The following CDC42BPA variants were observed in gnomAD, a reference collection of about 807,000 sequenced individuals.
CDC42BPA encodes the protein serine/threonine-protein kinase MRCK alpha.
A neutral mutation model predicts 223.5 loss-of-function variants in CDC42BPA; 80 were observed. The ratio of observed to expected loss-of-function variants is 0.36; its 90% confidence interval spans 0.30 to 0.43. The LOEUF is 0.43. Among genes scored for constraint, CDC42BPA ranks in the 20% least tolerant of loss-of-function variants. The probability of loss-of-function intolerance (pLI) is 1.00; values close to 1 mark genes in which losing one functional copy is unlikely to be tolerated. For synonymous variants in CDC42BPA, 694 were observed against 718.6 expected (o/e 0.97, Z 0.55); for missense variants, 1,743 against 2,099.9 (o/e 0.83, Z 3.32).
At chr1:227,152,837 T>A (rs1271771952) in intron 6 of CDC42BPA, among the ~76,000 whole-genome samples, 1 of 151,914 alleles carries the variant, frequency 6.6e-6, no homozygotes, top group Non-Finnish European at 1.5e-5. Context: ...ACTTAAAACA[T>A]AAGGACGCAG....
intron 1 of CDC42BPA, among the ~76,000 whole-genome samples, chr1:227,294,929 GA>G (rs1032963989): frequency 1.8e-4 from 23 of 127,408 alleles, no homozygotes; most frequent in East Asian, 6.8e-4. Flanking sequence ...CACATTAAGT[GA>G]AAAAAAAAAG....
chr1:227,288,726 G>A (rs72632811), intron 1 of CDC42BPA, among the ~76,000 whole-genome samples: 23,939 of 152,046 alleles, frequency 0.16, 2,168 homozygotes, highest in East Asian at 0.37. Context: ...CAGGTGTGGT[G>A]GCTCATGCCT....
chr1:227,115,785 A>G (rs1035546969), intron 12 of CDC42BPA, among the ~76,000 whole-genome samples: 4 of 152,018 alleles, frequency 2.6e-5, no homozygotes, highest in Non-Finnish European at 5.9e-5. Flanking sequence ...CTTATAAATA[A>G]CTCATTGGTC....
At chr1:227,140,417 G>GT (rs1431436934) in intron 9 of CDC42BPA, among the ~76,000 whole-genome samples, 2 of 152,112 alleles carry the variant, frequency 1.3e-5, no homozygotes, top group Non-Finnish European at 2.9e-5. Flanking sequence ...CACTGCTAAA[G>GT]TAACTTTGGA....
At chr1:227,025,979 A>C in intron 31 of CDC42BPA, 76 bp downstream of exon 31, 1 of 768,688 alleles carries the variant, frequency 1.3e-6, no homozygotes, top group East Asian at 2.9e-5. Context: ...ATTAATAAAA[A>C]AAAAATTACT....
At chr1:227,179,982 C>T (rs895291863) in intron 5 of CDC42BPA, among the ~76,000 whole-genome samples, 4 of 152,014 alleles carry the variant, frequency 2.6e-5, no homozygotes, top group East Asian at 1.9e-4. Flanking sequence ...CCATGGAGGG[C>T]GGATCACTGG....
chr1:227,196,506 A>G (rs7517914), intron 4 of CDC42BPA, among the ~76,000 whole-genome samples: 76,985 of 151,022 alleles, frequency 0.51, 19,879 homozygotes, highest in South Asian at 0.55. Context: ...CACCCGGCTA[A>G]TTTTTTGTAT....
chr1:227,049,525 T>A (rs1185700483), intron 22 of CDC42BPA, among the ~76,000 whole-genome samples: 1 of 152,028 alleles, frequency 6.6e-6, no homozygotes, highest in Non-Finnish European at 1.5e-5. Flanking sequence ...GCAATTCCAA[T>A]CAAAAGCCCC....
At chr1:227,283,447 ACT>A (rs1688316982) in intron 1 of CDC42BPA, among the ~76,000 whole-genome samples, 1 of 152,158 alleles carries the variant, frequency 6.6e-6, no homozygotes, top group Non-Finnish European at 1.5e-5. Flanking sequence ...ATCATTTACT[ACT>A]CTCTCCACCT....
chr1:227,254,214 TA>T (rs1449034848), intron 1 of CDC42BPA, 59 bp from the exon 2 acceptor site: 5 of 851,004 alleles, frequency 5.9e-6, no homozygotes, highest in South Asian at 1.6e-5. Flanking sequence ...AAATTAGATA[TA>T]AATAATGGTG....
chr1:227,081,070 G>T, intron 16 of CDC42BPA, 53 bp from the exon 17 acceptor site: 1 of 1,581,504 alleles, frequency 6.3e-7, no homozygotes, highest in Non-Finnish European at 8.6e-7. Flanking sequence ...AATTCGAGGT[G>T]TTCAGACAGG....
chr1:227,038,099 T>C (rs1055390921), intron 24 of CDC42BPA, among the ~76,000 whole-genome samples: 9 of 152,272 alleles, frequency 5.9e-5, no homozygotes, highest in African/African-American at 2.2e-4. Flanking sequence ...CCATGTGTCA[T>C]GGGAGGGACA....
rs192295026 is a variant in CDC42BPA at position 227,240,777 on chromosome 1, T to C, written c.270+13287A>G. The stretch of plus-strand genomic sequence containing the variant: ...CCAATCTAAATATAGTAGCTAAAAA[T>C]AGAAGGCTTTTAGAAAAAAAAAACA... On this transcript the variant is annotated intron_variant, in intron 2 of 36. Transcript: ENST00000366766. 6.3e-4 allele frequency among the ~76,000 whole-genome samples: 96 copies of C among 151,306 alleles called. 1 individual carries two copies. Among genetic ancestry groups the C allele is most frequent in the East Asian group, 3.9e-4 (2 of 5,146 alleles).
chr1:227,204,673 T>A lies in CDC42BPA; in HGVS notation c.355-5021A>T, dbSNP rs115808061. Among the ~76,000 whole-genome samples, 740 of 152,316 alleles carry A rather than the reference T, an allele frequency of 4.9e-3. 5 individuals carry two copies. Among genetic ancestry groups the A allele is most frequent in the African/African-American group, 0.017 (690 of 41,560 alleles). On this transcript the variant is annotated intron_variant, in intron 3 of 36. Coordinates refer to ENST00000366766, the MANE Select transcript of CDC42BPA (RefSeq NM_001394014.1). ...ACAGCATTTCATAGTAAAATTTTTT[T>A]AAATTTTACATGGCATATACTTTTT...
At chr1:227,078,608 C>T (rs962115577) in intron 17 of CDC42BPA, among the ~76,000 whole-genome samples, 2 of 151,992 alleles carry the variant, frequency 1.3e-5, no homozygotes, top group African/African-American at 4.8e-5. Context: ...GATGTCCTTG[C>T]TCTAAAAGAG....
At position 227,216,439 on chromosome 1, in the gene CDC42BPA, G is replaced by A. The variant is rs530888448; in HGVS notation, c.271-3220C>T. On this transcript the variant is annotated intron_variant, in intron 2 of 36. Coordinates refer to ENST00000366766, the MANE Select transcript of CDC42BPA (RefSeq NM_001394014.1). ...ACATTTTCAAACCTATCTTATAACA[G>A]TTTCATGAGCTACCTAAAATCTTTT... 2.0e-5 allele frequency among the ~76,000 whole-genome samples: 3 copies of A among 152,294 alleles called. No individual in the cohort carries two copies. The South Asian group carries it at 6.2e-4, about 32-fold the overall frequency.
In CDC42BPA at chr1:227,318,459, G is replaced by A. The variant is rs1386699111; in HGVS notation, c.-1277C>T. ...GGCTCCTCCAGTCCCGCCGCACAGA[G>A]GCGGAGGCTTGCGGACGAGTCTGGA... is the stretch of plus-strand genomic sequence containing the variant. On this transcript the variant is annotated 5_prime_UTR_variant, in exon 1 of 37. Coordinates refer to ENST00000366766, the MANE Select transcript of CDC42BPA (RefSeq NM_001394014.1). The A allele has an allele frequency of 6.6e-6, 1 of 152,208 alleles. No homozygotes were observed. Among genetic ancestry groups the A allele is most frequent in the Non-Finnish European group, 1.5e-5 (1 of 68,146 alleles). The allele number at this position is 152,208 out of a possible 1,614,324, so 9.4% of individuals were successfully genotyped here. A position where few individuals can be genotyped will look rare whatever the true frequency, so the allele number is the denominator to read the frequency against.
At position 227,101,139 on chromosome 1, in the gene CDC42BPA, T is replaced by G; in HGVS notation, c.2102A>C (p.Glu701Ala). ...TCCTTCTCTTTTAGATAATTCTTCT[T>G]CATAAAAGATACTTTTCTTTTCCAA... ...TDLEKKSIFYEEELSKREGIH... is the reference protein window; with the variant it reads ...TDLEKKSIFYAEELSKREGIH... Residue 701 changes from glutamate to alanine, a missense_variant, in exon 15 of 37, where the codon GAA (glutamate) becomes GCA (alanine). Physicochemically the swap from Glu to Ala is moderately radical, Grantham distance 107. Coordinates refer to ENST00000366766, the MANE Select transcript of CDC42BPA (RefSeq NM_001394014.1). 6.3e-7 allele frequency: 1 copy of G among 1,578,080 alleles called. No individual in the cohort carries two copies. The highest frequency in any genetic ancestry group is 8.7e-7 in the Non-Finnish European group (1 of 1,147,992).
intron 23 of CDC42BPA, among the ~76,000 whole-genome samples, chr1:227,045,497 G>T (rs887374699): frequency 6.6e-6 from 1 of 152,140 alleles, no homozygotes; most frequent in Non-Finnish European, 1.5e-5. Flanking sequence ...GTGCAATCTG[G>T]AAACATGTCT....
Sources: gnomAD v4.1 joint callset for allele counts (sites outside exome capture counted in the v4.1 genomes callset) on GRCh38, gnomAD v4.1.1 for gene constraint, MANE v1.5 for transcripts, NCBI Gene and HGNC (gene_info 2026-07-23, HGNC 2026-07-21) for gene names.